The following LUZP2 variants were observed in gnomAD, a reference collection of about 807,000 sequenced individuals.
LUZP2 encodes the protein leucine zipper protein 2.
Under a neutral mutation model 51.6 loss-of-function variants are expected in LUZP2, and 52 were observed. The ratio of observed to expected loss-of-function variants is 1.01; its 90% CI spans 0.81 to 1.27. LUZP2 has a LOEUF of 1.27. LUZP2 is among the 50% of genes most tolerant of loss of function. The probability of loss-of-function intolerance (pLI) is 0.00; values close to 1 mark genes in which losing one functional copy is unlikely to be tolerated. For synonymous variants in LUZP2, 154 were observed against 137.3 expected (o/e 1.12, Z -0.85); for missense variants, 436 against 395.4 (o/e 1.10, Z -0.87).
intron 1 of LUZP2, among the ~76,000 whole-genome samples, chr11:24,607,654 T>G (rs1853973539): frequency 1.3e-5 from 2 of 152,004 alleles, no homozygotes; most frequent in African/African-American, 4.8e-5. Flanking sequence ...AAGTTTAGGA[T>G]TTTTGTGCGT....
At chr11:24,979,226 T>C (rs1401066470) in intron 8 of LUZP2, among the ~76,000 whole-genome samples, 1 of 151,836 alleles carries the variant, frequency 6.6e-6, no homozygotes, top group East Asian at 1.9e-4. Context: ...TTCTCTGTGA[T>C]AACAATTCCC....
chr11:24,557,427 G>C (rs984595808), intron 1 of LUZP2, among the ~76,000 whole-genome samples: 3 of 152,066 alleles, frequency 2.0e-5, no homozygotes, highest in African/African-American at 7.2e-5. Context: ...GCAGTTTCTT[G>C]GTTATGATTA....
chr11:24,986,451 A>G (rs1266109290), intron 9 of LUZP2, among the ~76,000 whole-genome samples: 1 of 151,384 alleles, frequency 6.6e-6, no homozygotes, highest in African/African-American at 2.4e-5. Context: ...TATCAGATTG[A>G]AATTGGTAAC....
At chr11:24,869,313 T>G (rs1035317134) in intron 5 of LUZP2, among the ~76,000 whole-genome samples, 1 of 152,222 alleles carries the variant, frequency 6.6e-6, no homozygotes, top group East Asian at 1.9e-4. Context: ...TCACAGATAC[T>G]GCATTTTTAA....
chr11:24,702,229 G>C (rs1199981229), intron 1 of LUZP2, among the ~76,000 whole-genome samples: 1 of 152,136 alleles, frequency 6.6e-6, no homozygotes, highest in Non-Finnish European at 1.5e-5. Flanking sequence ...TTTTAACCAG[G>C]AAAATCACTG....
chr11:25,000,696 A>G (rs1211502864), intron 9 of LUZP2, among the ~76,000 whole-genome samples: 1 of 152,158 alleles, frequency 6.6e-6, no homozygotes, highest in Non-Finnish European at 1.5e-5. Context: ...CTTTTCCTGT[A>G]AACACCGGGT....
At chr11:24,928,299 C>A (rs958508960) in intron 7 of LUZP2, among the ~76,000 whole-genome samples, 1 of 152,002 alleles carries the variant, frequency 6.6e-6, no homozygotes, top group Non-Finnish European at 1.5e-5. Context: ...AAAGTAGACA[C>A]CCTCGTTTTG....
At chr11:25,062,387 C>A (rs1858863831) in intron 10 of LUZP2, among the ~76,000 whole-genome samples, 1 of 149,932 alleles carries the variant, frequency 6.7e-6, no homozygotes. Context: ...GAGTTTGAGA[C>A]CAGCCTGGGA....
At chr11:24,980,122 C>T (rs927725297) in intron 8 of LUZP2, among the ~76,000 whole-genome samples, 1 of 151,722 alleles carries the variant, frequency 6.6e-6, no homozygotes, top group African/African-American at 2.4e-5. Context: ...CTCACAGTCT[C>T]TCATGGTCTT....
chr11:24,973,374 T>TTTC (rs1855802071), intron 7 of LUZP2, among the ~76,000 whole-genome samples: 1 of 148,616 alleles, frequency 6.7e-6, no homozygotes, highest in African/African-American at 2.4e-5. Flanking sequence ...GTTTTTTTTT[T>TTTC]TTTTTTCAAA....
At chr11:24,533,889 T>A (rs1851089384) in intron 1 of LUZP2, among the ~76,000 whole-genome samples, 1 of 151,276 alleles carries the variant, frequency 6.6e-6, no homozygotes, top group Non-Finnish European at 1.5e-5. Context: ...AACATATCTG[T>A]GCTCCCTTCT....
chr11:24,710,447 T>C (rs1857766509), intron 1 of LUZP2, among the ~76,000 whole-genome samples: 2 of 152,184 alleles, frequency 1.3e-5, no homozygotes, highest in Admixed American at 1.3e-4. Context: ...CCATGGATTC[T>C]TGTACTCCTA....
At chr11:24,604,763 A>T (rs1263905913) in intron 1 of LUZP2, among the ~76,000 whole-genome samples, 1 of 151,878 alleles carries the variant, frequency 6.6e-6, no homozygotes, top group African/African-American at 2.4e-5. Context: ...ATTATCAGTC[A>T]TGAGAATCTT....
chr11:24,960,094 T>G (rs1420232090), intron 7 of LUZP2, among the ~76,000 whole-genome samples: 1 of 152,200 alleles, frequency 6.6e-6, no homozygotes, highest in Non-Finnish European at 1.5e-5. Flanking sequence ...ATCCCAGGGA[T>G]GAAGCCCACT....
intron 7 of LUZP2, among the ~76,000 whole-genome samples, chr11:24,974,394 C>T (rs1190727375): frequency 6.6e-6 from 1 of 151,904 alleles, no homozygotes; most frequent in Non-Finnish European, 1.5e-5. Flanking sequence ...TCAACGTTGC[C>T]ATTGTGTTTC....
At chr11:24,540,805 G>T (rs562096219) in intron 1 of LUZP2, among the ~76,000 whole-genome samples, 1 of 151,966 alleles carries the variant, frequency 6.6e-6, no homozygotes, top group Non-Finnish European at 1.5e-5. Context: ...TGGAATAATC[G>T]TTATGGATAA....
chr11:24,997,078 T>C (rs1260323400), intron 9 of LUZP2, among the ~76,000 whole-genome samples: 1 of 150,270 alleles, frequency 6.7e-6, no homozygotes, highest in African/African-American at 2.4e-5. Flanking sequence ...ACAATAAACA[T>C]ACGTGTGCAT....
chr11:24,945,570 CT>C (rs1317864333), intron 7 of LUZP2, among the ~76,000 whole-genome samples: 1 of 145,156 alleles, frequency 6.9e-6, no homozygotes, highest in African/African-American at 2.5e-5. Context: ...ATCTTATCAT[CT>C]TTCCAGTGTT....
chr11:24,913,438 C>A (rs1214104998), intron 6 of LUZP2, among the ~76,000 whole-genome samples: 2 of 151,986 alleles, frequency 1.3e-5, no homozygotes, highest in Non-Finnish European at 2.9e-5. Flanking sequence ...AACATATATG[C>A]TTTATCTAGC....
Sources: gnomAD v4.1 joint callset for allele counts (sites outside exome capture counted in the v4.1 genomes callset) on GRCh38, gnomAD v4.1.1 for gene constraint, MANE v1.5 for transcripts, NCBI Gene and HGNC (gene_info 2026-07-23, HGNC 2026-07-21) for gene names.